XKR4: variants seen among roughly 807,000 people sequenced by gnomAD.
XKR4 encodes the protein XK-related protein 4.
In XKR4, 12 loss-of-function variants were observed where a neutral mutation model predicts 53.9. The observed-to-expected ratio is 0.22, with a 90% CI of 0.14 to 0.36. The LOEUF is 0.36. Ranked by LOEUF, XKR4 falls within the 10% of genes least tolerant of loss-of-function variation. The pLI, the probability that XKR4 is intolerant of heterozygous loss-of-function variation, is 1.00. For missense variants in XKR4, 799 were observed against 859.5 expected (o/e 0.93, Z 0.88); for synonymous variants, 354 against 362.4 (o/e 0.98, Z 0.26).
chr8:55,159,759 T>C (rs1816959379), intron 1 of XKR4, among the ~76,000 whole-genome samples: 2 of 152,162 alleles, frequency 1.3e-5, no homozygotes, highest in African/African-American at 2.4e-5. Context: ...TTGGTAGAAG[T>C]AACCCATGAA....
At chr8:55,229,412 C>T (rs561677189) in intron 1 of XKR4, among the ~76,000 whole-genome samples, 74 of 152,314 alleles carry the variant, frequency 4.9e-4, no homozygotes, top group Non-Finnish European at 9.8e-4. Flanking sequence ...TGATTGTCTC[C>T]GTCAGTCGTT....
At chr8:55,104,656 G>A (rs977706617) in intron 1 of XKR4, among the ~76,000 whole-genome samples, 16 of 151,918 alleles carry the variant, frequency 1.1e-4, no homozygotes, top group African/African-American at 3.9e-4. Context: ...GCCATAGATG[G>A]TGACCTTCCA....
At chr8:55,447,829 A>C (rs1308911618) in intron 2 of XKR4, among the ~76,000 whole-genome samples, 2 of 152,256 alleles carry the variant, frequency 1.3e-5, no homozygotes, top group Non-Finnish European at 2.9e-5. Context: ...AAGAATTAGA[A>C]GTCTGAGACT....
At chr8:55,194,703 T>C (rs1008693161) in intron 1 of XKR4, among the ~76,000 whole-genome samples, 4 of 152,188 alleles carry the variant, frequency 2.6e-5, no homozygotes, top group African/African-American at 9.7e-5. Flanking sequence ...TCTCACTTTA[T>C]GAGAAAGAGA....
chr8:55,135,215 A>G (rs1007453368), intron 1 of XKR4: 10 of 158,480 alleles, frequency 6.3e-5, no homozygotes, highest in African/African-American at 1.9e-4. Flanking sequence ...ACCCTAATAT[A>G]TACAAATATA....
intron 1 of XKR4, among the ~76,000 whole-genome samples, chr8:55,128,708 A>G (rs545503077): frequency 6.6e-6 from 1 of 152,328 alleles, no homozygotes; most frequent in South Asian, 2.1e-4. Flanking sequence ...GATTGCTGAC[A>G]TTTCAGCTCT....
intron 1 of XKR4, among the ~76,000 whole-genome samples, chr8:55,292,498 C>T (rs1009463757): frequency 3.9e-5 from 6 of 152,064 alleles, no homozygotes; most frequent in African/African-American, 9.7e-5. Flanking sequence ...GTAGTCATGT[C>T]ACCTGTTTCA....
At position 55,452,444 on chromosome 8, in the gene XKR4, C is replaced by A. The variant is rs540634563; in HGVS notation, c.1007-70837C>A. ...GCAGTGCTGGCCACCCCGCACTGCC[C>A]GCCCTCGCACCCTCCTCACGCCCAT... On this transcript the variant is annotated intron_variant, in intron 2 of 2. Transcript: ENST00000327381. 1.3e-5 allele frequency: 8 copies of A among 622,100 alleles called. No homozygotes were observed. In the African/African-American group the frequency reaches 1.5e-4, roughly 11 times the overall value. 38.5% of individuals were successfully genotyped at this position (622,100 alleles called of 1,614,324 possible).
At chr8:55,352,178 A>T (rs1318664902) in intron 1 of XKR4, among the ~76,000 whole-genome samples, 2 of 152,252 alleles carry the variant, frequency 1.3e-5, no homozygotes, top group Non-Finnish European at 2.9e-5. Flanking sequence ...TGGAATGGCC[A>T]GTTTTACCCG....
chr8:55,364,670 T>C (rs1803950882), intron 2 of XKR4, among the ~76,000 whole-genome samples: 1 of 152,216 alleles, frequency 6.6e-6, no homozygotes, highest in South Asian at 2.1e-4. Context: ...TCTTGCTCTG[T>C]TGCTTAGGCT....
chr8:55,536,571 T>C lies in XKR4; in HGVS notation c.*12344T>C, dbSNP rs1156854021. On this transcript the variant is annotated 3_prime_UTR_variant, in exon 3 of 3. Transcript: ENST00000327381. ...TGAATCATACAGTTTTCCGTCTGGG[T>C]GTCTGGTGTTTCTGGATAGACAGAC... The C allele has an allele frequency of 6.9e-6, 1 of 144,772 alleles. No individual in the cohort carries two copies. The highest frequency in any genetic ancestry group is 2.5e-5 in the African/African-American group (1 of 40,436). 9.0% of individuals were successfully genotyped at this position (144,772 alleles called of 1,614,324 possible). A position where few individuals can be genotyped will look rare whatever the true frequency, so the allele number is the denominator to read the frequency against.
At chr8:55,229,852 T>C (rs1224229158) in intron 1 of XKR4, among the ~76,000 whole-genome samples, 2 of 150,468 alleles carry the variant, frequency 1.3e-5, no homozygotes, top group African/African-American at 4.9e-5. Flanking sequence ...GGTATAACTA[T>C]TGTTAAGTTA....
intron 1 of XKR4, among the ~76,000 whole-genome samples, chr8:55,188,513 G>A (rs962716073): frequency 2.0e-5 from 3 of 152,278 alleles, no homozygotes; most frequent in South Asian, 4.1e-4. Context: ...CAAGACAGTC[G>A]TTCAACAGCT....
chr8:55,485,466 A>G (rs757651580), intron 2 of XKR4, among the ~76,000 whole-genome samples: 33 of 152,254 alleles, frequency 2.2e-4, no homozygotes, highest in Non-Finnish European at 3.7e-4. Flanking sequence ...CTTGTTATCA[A>G]TAAACATATG....
chr8:55,452,793 C>T (rs921224869), intron 2 of XKR4: 17 of 782,972 alleles, frequency 2.2e-5, no homozygotes, highest in South Asian at 1.5e-4. Context: ...GCCAGCCATG[C>T]TGTTGGGGAC....
intron 2 of XKR4, chr8:55,450,002 G>T: frequency 1.3e-6 from 1 of 797,752 alleles, no homozygotes; most frequent in Non-Finnish European, 2.2e-6. Context: ...AGCGAGCAGC[G>T]GTGGTGAGGT....
intron 1 of XKR4, among the ~76,000 whole-genome samples, chr8:55,203,346 G>A (rs181242946): frequency 1.7e-3 from 257 of 152,332 alleles, no homozygotes; most frequent in African/African-American, 5.7e-3. Flanking sequence ...AGGTGGGCAC[G>A]AAGACGACAT....
At chr8:55,125,865 T>C (rs1454749388) in intron 1 of XKR4, among the ~76,000 whole-genome samples, 1 of 152,216 alleles carries the variant, frequency 6.6e-6, no homozygotes, top group Admixed American at 6.5e-5. Flanking sequence ...ATCTGCTCAA[T>C]ATCTAAAATC....
At chr8:55,474,002 C>T (rs766695151) in intron 2 of XKR4, among the ~76,000 whole-genome samples, 1 of 151,998 alleles carries the variant, frequency 6.6e-6, no homozygotes, top group Non-Finnish European at 1.5e-5. Context: ...AACACCTGGG[C>T]TCCAGTGATC....
Sources: allele counts gnomAD v4.1 joint callset (sites outside exome capture counted in the v4.1 genomes callset), GRCh38; gene constraint gnomAD v4.1.1; transcripts MANE v1.5; gene names NCBI Gene and HGNC (gene_info 2026-07-23, HGNC 2026-07-21).